The following LRRN1 variants were observed in gnomAD, a reference collection of about 807,000 sequenced individuals.
LRRN1 encodes leucine-rich repeat neuronal protein 1.
In LRRN1, 14 loss-of-function variants were observed where a neutral mutation model predicts 45.8. The observed-to-expected ratio is 0.31, with a 90% CI of 0.20 to 0.48. The LOEUF (loss-of-function observed/expected upper bound fraction) is 0.48. Among genes scored for constraint, LRRN1 ranks in the 20% least tolerant of loss-of-function variants. The pLI is 0.99. For missense variants in LRRN1, 789 were observed against 874.2 expected (o/e 0.90, Z 1.23); for synonymous variants, 359 against 330.1 (o/e 1.09, Z -0.95).
intron 1 of LRRN1, among the ~76,000 whole-genome samples, chr3:3,828,165 C>A (rs550590319): frequency 6.7e-6 from 1 of 149,520 alleles, no homozygotes; most frequent in Non-Finnish European, 1.5e-5. Context: ...ATATATATAT[C>A]TCCCATTAGT....
At chr3:3,826,041 T>C (rs1693208234) in intron 1 of LRRN1, among the ~76,000 whole-genome samples, 1 of 152,150 alleles carries the variant, frequency 6.6e-6, no homozygotes. Context: ...ACATTTTGGG[T>C]TGCCTTTTGG....
Position 3,804,480 on chromosome 3 carries a change from T to G in LRRN1, c.-279+4561T>G, listed in dbSNP as rs76637770. On this transcript the variant is annotated intron_variant, in intron 1 of 1. Transcript: ENST00000319331. ...TACATTCCCAAGGTCCTGTCCACTCTGACTTTAGAGTACCCTCTAAAGATG... is the reference window on the plus strand; with the variant it reads ...TACATTCCCAAGGTCCTGTCCACTCGGACTTTAGAGTACCCTCTAAAGATG... Among the ~76,000 whole-genome samples the G allele has an allele frequency of 5.3e-5, 8 of 152,368 alleles. No individual in the cohort carries two copies. In the East Asian group the frequency reaches 1.5e-3, roughly 29 times the overall value.
chr3:3,829,178 T>C (rs1232601823), intron 1 of LRRN1, among the ~76,000 whole-genome samples: 1 of 152,104 alleles, frequency 6.6e-6, no homozygotes, highest in African/African-American at 2.4e-5. Flanking sequence ...ACTTCCATCA[T>C]AAAGTAGTAG....
chr3:3,834,525 G>GAGATATATATATATATATATATAT (rs750534210), intron 1 of LRRN1, among the ~76,000 whole-genome samples: 7 of 27,326 alleles, frequency 2.6e-4, no homozygotes, highest in African/African-American at 6.0e-4. Context: ...GACAGAACAG[G>GAGATATATATATATATATATATAT]ATATATATAT....
chr3:3,845,546 C>G lies in LRRN1; in HGVS notation c.905C>G (p.Ser302Cys). 5.0e-6 allele frequency: 8 copies of G among 1,614,112 alleles called. No individual in the cohort carries two copies. The highest frequency in any genetic ancestry group is 6.8e-6 in the Non-Finnish European group (8 of 1,180,014). ...LGINNMGELV[S>C]VDRYALDNLP... ...ATCAACAATATGGGCGAGCTCGTTT[C>G]TGTCGACCGCTATGCCCTGGATAAC... is the stretch of plus-strand genomic sequence containing the variant. Residue 302 changes from serine to cysteine, a missense_variant, in exon 2 of 2, where the codon TCT (serine) becomes TGT (cysteine). Transcript: ENST00000319331. This position sits in a 1 kb window ranked among gnomAD's most constrained non-coding sequence, Gnocchi z 6.5.
chr3:3,805,116 A>G (rs1692726532), intron 1 of LRRN1, among the ~76,000 whole-genome samples: 2 of 152,146 alleles, frequency 1.3e-5, no homozygotes, highest in South Asian at 2.1e-4. Flanking sequence ...GTCATTTTCA[A>G]TTTGCAGGGG....
chr3:3,841,659 C>T (rs1174509852), intron 1 of LRRN1, among the ~76,000 whole-genome samples: 4 of 152,022 alleles, frequency 2.6e-5, no homozygotes, highest in African/African-American at 4.8e-5. Context: ...GCTGGGATTA[C>T]AGGCACGTAC....
intron 1 of LRRN1, among the ~76,000 whole-genome samples, chr3:3,837,422 G>A (rs994776855): frequency 6.6e-6 from 1 of 151,976 alleles, no homozygotes; most frequent in South Asian, 2.1e-4. Flanking sequence ...CATTCCTTGG[G>A]TTCCTCAGTT....
chr3:3,836,906 G>A (rs1025554529), intron 1 of LRRN1, among the ~76,000 whole-genome samples: 1 of 152,126 alleles, frequency 6.6e-6, no homozygotes, highest in Non-Finnish European at 1.5e-5. Context: ...AAGATAGGAT[G>A]GTATCTGCTG....
At chr3:3,814,082 A>T (rs1181117944) in intron 1 of LRRN1, among the ~76,000 whole-genome samples, 1 of 151,298 alleles carries the variant, frequency 6.6e-6, no homozygotes, top group South Asian at 2.1e-4. Context: ...AGTGTCTTTT[A>T]AATATGGCAC....
intron 1 of LRRN1, chr3:3,827,304 T>G (rs894151527): frequency 6.4e-5 from 17 of 265,248 alleles, no homozygotes; most frequent in African/African-American, 3.5e-4. Context: ...TTCTTAACTT[T>G]ATGCTATACT....
chr3:3,811,816 T>C (rs906944392), intron 1 of LRRN1, among the ~76,000 whole-genome samples: 3 of 152,170 alleles, frequency 2.0e-5, no homozygotes, highest in Non-Finnish European at 4.4e-5. Flanking sequence ...TCCAGACTCA[T>C]TGGGGAGGTA....
intron 1 of LRRN1, among the ~76,000 whole-genome samples, chr3:3,842,846 C>T (rs1693677215): frequency 6.6e-6 from 1 of 152,200 alleles, no homozygotes; most frequent in African/African-American, 2.4e-5. Context: ...TGGCTTTTTA[C>T]ACCTGATTGG....
intron 1 of LRRN1, among the ~76,000 whole-genome samples, chr3:3,839,088 C>A (rs1463137399): frequency 6.6e-6 from 1 of 151,898 alleles, no homozygotes; most frequent in South Asian, 2.1e-4. Context: ...TGCCAAATAC[C>A]CTGAAGCTTT....
At chr3:3,843,977 T>G (rs182770491) in intron 1 of LRRN1, among the ~76,000 whole-genome samples, 115 of 152,364 alleles carry the variant, frequency 7.5e-4, no homozygotes, top group African/African-American at 2.7e-3. Flanking sequence ...GACATCTTTG[T>G]TTTTAAAGAA....
rs769694448 is a variant in LRRN1 at position 3,846,574 on chromosome 3, C to T, written c.1933C>T (p.Leu645Phe). The T allele has an allele frequency of 3.7e-6, 6 of 1,614,116 alleles. No homozygotes were observed. Among genetic ancestry groups the T allele is most frequent in the Admixed American group, 1.7e-5 (1 of 60,004 alleles). ...GGGGTCTATGTTTGCCGTCATTAGC[C>T]TTGCGTCCATTGCTGTGTACTTTGC... ...VMGSMFAVIS[L>F]ASIAVYFAKR... is the part of the protein sequence containing the mutation. Residue 645 changes from leucine to phenylalanine, a missense_variant, in exon 2 of 2, where the codon CTT (leucine) becomes TTT (phenylalanine). By Grantham distance (22) the Leu-to-Phe change is conservative (BLOSUM62 0). Transcript: ENST00000319331. This position sits in a 1 kb window ranked among gnomAD's most constrained non-coding sequence, Gnocchi z 5.7.
chr3:3,845,523 C>A lies in LRRN1; in HGVS notation c.882C>A (p.Ile294=). Residue 294 remains isoleucine, a synonymous_variant, in exon 2 of 2, where the codon ATC becomes ATA. Coordinates refer to ENST00000319331, the MANE Select transcript of LRRN1 (RefSeq NM_020873.7). This position sits in a 1 kb window ranked among gnomAD's most constrained non-coding sequence, Gnocchi z 6.5. The part of the protein sequence containing the change: ...KNMLRLKELG[I]NNMGELVSVD... ...TGCTTCGGTTAAAAGAACTGGGAATCAACAATATGGGCGAGCTCGTTTCTG... is the reference window on the plus strand; with the variant it reads ...TGCTTCGGTTAAAAGAACTGGGAATAAACAATATGGGCGAGCTCGTTTCTG... 6.2e-7 allele frequency: 1 copy of A among 1,614,082 alleles called. No homozygotes were observed. The highest frequency in any genetic ancestry group is 2.2e-5 in the East Asian group (1 of 44,874).
At chr3:3,820,158 G>A (rs1575286573) in intron 1 of LRRN1, among the ~76,000 whole-genome samples, 1 of 152,118 alleles carries the variant, frequency 6.6e-6, no homozygotes, top group Admixed American at 6.5e-5. Context: ...CTAGTTTTTA[G>A]AATTACTTTT....
chr3:3,817,874 C>T (rs1410186221), intron 1 of LRRN1, among the ~76,000 whole-genome samples: 1 of 152,154 alleles, frequency 6.6e-6, no homozygotes, highest in Non-Finnish European at 1.5e-5. Flanking sequence ...GAATTATCCT[C>T]ACCATTACAA....
Sources: gnomAD v4.1 joint callset for allele counts (sites outside exome capture counted in the v4.1 genomes callset) on GRCh38, gnomAD v4.1.1 for gene constraint, Gnocchi (gnomAD v3.1) non-coding constraint, MANE v1.5 for transcripts, NCBI Gene and HGNC (gene_info 2026-07-23, HGNC 2026-07-21) for gene names.